The following FAM13C variants were observed in gnomAD, a reference collection of about 807,000 sequenced individuals.
FAM13C encodes family with sequence similarity 13 member C, also known as protein FAM13C.
FAM13C carries 37 observed loss-of-function variants against 73.2 expected under a neutral mutation model. The observed-to-expected ratio is 0.51, with a 90% confidence interval of 0.39 to 0.67. The LOEUF (loss-of-function observed/expected upper bound fraction) is 0.67, where lower values mean the gene tolerates loss of function less well. FAM13C is among the 30% of genes least tolerant of loss of function. FAM13C has a pLI of 0.00. For missense variants in FAM13C, 589 were observed against 715.6 expected, an observed-to-expected ratio of 0.82 and a Z score of 2.02; for synonymous variants, 246 against 260.9, an observed-to-expected ratio of 0.94 and a Z score of 0.55.
At chr10:59,332,842 G>C (rs1852180196) in intron 3 of FAM13C, among the ~76,000 whole-genome samples, 2 of 152,190 alleles carry the variant, frequency 1.3e-5, no homozygotes, top group South Asian at 4.1e-4. Flanking sequence ...AAGCCCCTTT[G>C]TCAAGTCTGT....
intron 3 of FAM13C, among the ~76,000 whole-genome samples, chr10:59,332,751 A>G (rs1220472284): frequency 6.6e-6 from 1 of 152,214 alleles, no homozygotes; most frequent in Non-Finnish European, 1.5e-5. Flanking sequence ...GCAGTGAGTC[A>G]GCACCTATGA....
chr10:59,289,491 C>T (rs1336762652), intron 5 of FAM13C, among the ~76,000 whole-genome samples: 2 of 152,236 alleles, frequency 1.3e-5, no homozygotes, highest in Admixed American at 1.3e-4. Flanking sequence ...CATGATGCCA[C>T]ACATCCAGCT....
At chr10:59,250,884 A>G (rs1018406693) in intron 13 of FAM13C, among the ~76,000 whole-genome samples, 3 of 152,206 alleles carry the variant, frequency 2.0e-5, no homozygotes, top group African/African-American at 4.8e-5. Flanking sequence ...ATTTCAGCTC[A>G]TAAAATGGGA....
At chr10:59,362,817 C>A, upstream of FAM13C, 1 of 331,426 alleles carries the variant, frequency 3.0e-6, no homozygotes, top group Non-Finnish European at 5.5e-6. Context: ...CCCCCCGAGG[C>A]TGGCAATGAG....
chr10:59,360,034 ATT>A (rs987132840), intron 1 of FAM13C, among the ~76,000 whole-genome samples: 4 of 152,194 alleles, frequency 2.6e-5, no homozygotes, highest in Non-Finnish European at 5.9e-5. Context: ...AAGAAATTGA[ATT>A]TGTCTAGAGC....
chr10:59,268,114 A>G (rs1338143584), intron 8 of FAM13C, among the ~76,000 whole-genome samples: 1 of 152,102 alleles, frequency 6.6e-6, no homozygotes, highest in Non-Finnish European at 1.5e-5. Context: ...TTAATGTCAA[A>G]GAAACCATCT....
chr10:59,270,007 C>G lies in FAM13C; in HGVS notation c.695G>C (p.Gly232Ala). ...TSRLLYHITD[G>A]DNPLLSPRCS... ...TCGTGGCGACAGCAGTGGGTTATCA[C>G]CATCAGTGATGTGATAGAGCAGCCT... The change falls in exon 7 of 14, where the codon GGT becomes GCT. Residue 232 changes from glycine to alanine, a missense_variant. Physicochemically the swap from Gly to Ala is moderately conservative, Grantham distance 60. Coordinates refer to ENST00000618804, the MANE Select transcript of FAM13C (RefSeq NM_198215.4). 6.2e-7 allele frequency: 1 copy of G among 1,613,978 alleles called. No homozygotes were observed. Among genetic ancestry groups the G allele is most frequent in the East Asian group, 2.2e-5 (1 of 44,866 alleles).
intron 3 of FAM13C, among the ~76,000 whole-genome samples, chr10:59,347,449 A>G (rs1366057531): frequency 6.6e-6 from 1 of 152,184 alleles, no homozygotes; most frequent in Non-Finnish European, 1.5e-5. Context: ...GAATAAAGGT[A>G]AGAAAAGTGG....
chr10:59,258,272 C>T (rs1842135351), intron 10 of FAM13C, among the ~76,000 whole-genome samples: 1 of 152,060 alleles, frequency 6.6e-6, no homozygotes, highest in Non-Finnish European at 1.5e-5. Context: ...TGCCTTAAGG[C>T]CAAGAATTCT....
At chr10:59,294,153 C>T (rs1393214283) in intron 5 of FAM13C, among the ~76,000 whole-genome samples, 3 of 152,214 alleles carry the variant, frequency 2.0e-5, no homozygotes, top group African/African-American at 7.2e-5. Flanking sequence ...ATTGCTCTTA[C>T]GTTTATACTT....
chr10:59,268,658 A>G lies in FAM13C; in HGVS notation c.837T>C (p.Asp279=), dbSNP rs1564500822. The G allele has an allele frequency of 1.9e-6, 3 of 1,613,128 alleles. No homozygotes were observed. The highest frequency in any genetic ancestry group is 2.5e-6 in the Non-Finnish European group (3 of 1,179,752). ...GGGTGATGGTCTGTGGCTCCTTGCC[A>G]TCTCCACAGCTGCAGCGTGAAGAAC... ...PRSSSRCSCG[D]GKEPQTITQL... is the part of the protein sequence containing the mutation. Residue 279 remains aspartate (D), a synonymous_variant, in exon 8 of 14, where the codon GAT becomes GAC. Coordinates refer to ENST00000618804, the MANE Select transcript of FAM13C (RefSeq NM_198215.4).
chr10:59,266,296 G>A (rs936060217), intron 8 of FAM13C, among the ~76,000 whole-genome samples: 1 of 152,294 alleles, frequency 6.6e-6, no homozygotes, highest in Non-Finnish European at 1.5e-5. Context: ...ATGTAGAGAT[G>A]TAGAGAATTT....
chr10:59,246,672 A>T lies in FAM13C; in HGVS notation c.*942T>A, dbSNP rs974790427. On this transcript the variant is annotated 3_prime_UTR_variant, in exon 14 of 14. Coordinates refer to ENST00000618804, the MANE Select transcript of FAM13C (RefSeq NM_198215.4). Reference sequence around the variant, plus strand: ...AAGGTATCAGGGCAAACAATTTCCAAACTTTTCATTTTGTACAGAAGGATG... The same window carrying T: ...AAGGTATCAGGGCAAACAATTTCCATACTTTTCATTTTGTACAGAAGGATG... 4 of 397,632 alleles carry T rather than the reference A, an allele frequency of 1.0e-5. No homozygotes were observed. The East Asian group carries it at 1.4e-4, about 14-fold the overall frequency. The allele number at this position is 397,632 out of a possible 1,614,324, so 24.6% of individuals were successfully genotyped here.
chr10:59,282,215 T>G (rs954338677), intron 6 of FAM13C: 5 of 152,278 alleles, frequency 3.3e-5, no homozygotes, highest in African/African-American at 1.2e-4. Context: ...ACAGGTCAGT[T>G]TAAGTATTTA....
chr10:59,341,242 CA>C (rs1853469120), intron 3 of FAM13C, among the ~76,000 whole-genome samples: 1 of 152,164 alleles, frequency 6.6e-6, no homozygotes, highest in Non-Finnish European at 1.5e-5. Flanking sequence ...ATGTTACCTA[CA>C]GCTGAAAAGC....
chr10:59,354,038 G>C (rs1271407005), intron 2 of FAM13C, among the ~76,000 whole-genome samples: 1 of 152,086 alleles, frequency 6.6e-6, no homozygotes, highest in East Asian at 1.9e-4. Flanking sequence ...CCATGATCCT[G>C]CATGAGAAAC....
chr10:59,358,119 C>G (rs1248389867), intron 1 of FAM13C, among the ~76,000 whole-genome samples: 1 of 152,174 alleles, frequency 6.6e-6, no homozygotes, highest in Admixed American at 6.5e-5. Context: ...GGTGCAGTGT[C>G]TCACATTTGT....
At chr10:59,359,118 T>C (rs1026232372) in intron 1 of FAM13C, among the ~76,000 whole-genome samples, 20 of 152,316 alleles carry the variant, frequency 1.3e-4, no homozygotes, top group African/African-American at 4.6e-4. Flanking sequence ...CAAGAAAAAG[T>C]TGTGTGGTAC....
chr10:59,249,126 C>T (rs953945789), intron 13 of FAM13C, among the ~76,000 whole-genome samples: 4 of 152,030 alleles, frequency 2.6e-5, no homozygotes, highest in East Asian at 3.9e-4. Context: ...GCTTTGAGGC[C>T]GGGCACAGTG....
Sources: gnomAD v4.1 joint callset for allele counts (sites outside exome capture counted in the v4.1 genomes callset) on GRCh38, gnomAD v4.1.1 for gene constraint, MANE v1.5 for transcripts, NCBI Gene and HGNC (gene_info 2026-07-23, HGNC 2026-07-21) for gene names.